Variants in GLRB observed in about 807,000 individuals in gnomAD.
The protein encoded by GLRB is glycine receptor subunit beta.
Under a neutral mutation model 54.2 loss-of-function variants are expected in GLRB, and 33 were observed. The ratio of observed to expected loss-of-function variants is 0.61; its 90% CI spans 0.46 to 0.81. The LOEUF (loss-of-function observed/expected upper bound fraction) is 0.81, where lower values mean the gene tolerates loss of function less well. Among genes scored for constraint, GLRB ranks in the 40% least tolerant of loss-of-function variants. GLRB has a pLI of 0.00. For missense variants in GLRB, 572 were observed against 584.6 expected, an observed-to-expected ratio of 0.98 and a Z score of 0.22; for synonymous variants, 209 against 208.2, an observed-to-expected ratio of 1.00 and a Z score of -0.03.
rs1326883839 is a variant in GLRB at position 157,153,094 on chromosome 4, G to A, written c.1197+84G>A. On this transcript the variant is annotated intron_variant, in intron 9 of 9. Coordinates refer to ENST00000264428, the MANE Select transcript of GLRB (RefSeq NM_000824.5). ...AGAGACACCTTTGTGTATGTGACAAGTTTTGATGGAATTGGCATTTGCTTG... is the reference window on the plus strand; with the variant it reads ...AGAGACACCTTTGTGTATGTGACAAATTTTGATGGAATTGGCATTTGCTTG... 3 of 1,178,694 alleles carry A rather than the reference G, an allele frequency of 2.5e-6. No individual in the cohort carries two copies. The African/African-American group carries it at 4.5e-5, about 18-fold the overall frequency. The allele number at this position is 1,178,694 out of a possible 1,614,324, so 73.0% of individuals were successfully genotyped here. A position where few individuals can be genotyped will look rare whatever the true frequency, so the allele number is the denominator to read the frequency against.
chr4:157,110,171 T>G (rs1414801616), intron 2 of GLRB, among the ~76,000 whole-genome samples: 3 of 151,972 alleles, frequency 2.0e-5, no homozygotes, highest in Non-Finnish European at 4.4e-5. Context: ...CTAGGGGCCA[T>G]GAACTGCCAG....
intron 9 of GLRB, among the ~76,000 whole-genome samples, chr4:157,160,189 T>C (rs1737420908): frequency 6.6e-6 from 1 of 152,182 alleles, no homozygotes; most frequent in East Asian, 1.9e-4. Flanking sequence ...ATACCCTTTA[T>C]CACTTTTTAT....
At chr4:157,163,030 C>T (rs1408351349) in intron 9 of GLRB, among the ~76,000 whole-genome samples, 1 of 152,156 alleles carries the variant, frequency 6.6e-6, no homozygotes, top group African/African-American at 2.4e-5. Context: ...CAAGCTTCAG[C>T]AATGGCGGAC....
At chr4:157,140,446 C>G (rs1445333285) in intron 7 of GLRB, among the ~76,000 whole-genome samples, 2 of 151,902 alleles carry the variant, frequency 1.3e-5, no homozygotes, top group African/African-American at 4.8e-5. Flanking sequence ...ATTTGTACTT[C>G]AAATTAAGAA....
chr4:157,128,922 C>T (rs1736114473), intron 4 of GLRB, among the ~76,000 whole-genome samples: 1 of 151,710 alleles, frequency 6.6e-6, no homozygotes, highest in Admixed American at 6.6e-5. Context: ...GAGCTGATCT[C>T]TTTTATTTAT....
intron 9 of GLRB, among the ~76,000 whole-genome samples, chr4:157,169,420 A>G (rs1337695214): frequency 1.3e-5 from 2 of 152,124 alleles, no homozygotes; most frequent in Non-Finnish European, 2.9e-5. Flanking sequence ...TGATTACTAG[A>G]GAGAGTTCAG....
chr4:157,076,156 G>C lies in GLRB; in HGVS notation c.-171G>C, dbSNP rs1255157954. On this transcript the variant is annotated 5_prime_UTR_variant, in exon 1 of 10. Transcript: ENST00000264428. ...CAGGCTCCGCGGCCCGAGCAGGCGC[G>C]TCAGCCGAGCTCGGCGGTGGCGCGG... 6.7e-6 allele frequency: 1 copy of C among 149,482 alleles called. No homozygotes were observed. Among genetic ancestry groups the C allele is most frequent in the East Asian group, 2.0e-4 (1 of 5,060 alleles). The allele number at this position is 149,482 out of a possible 1,614,324, so 9.3% of individuals were successfully genotyped here. A position where few individuals can be genotyped will look rare whatever the true frequency, so the allele number is the denominator to read the frequency against.
intron 8 of GLRB, among the ~76,000 whole-genome samples, chr4:157,147,912 A>T (rs1245343351): frequency 6.6e-6 from 1 of 152,230 alleles, no homozygotes; most frequent in African/African-American, 2.4e-5. Context: ...TAAAGCAGCC[A>T]TAGACAATAT....
At chr4:157,127,428 C>T (rs1736054051) in intron 4 of GLRB, among the ~76,000 whole-genome samples, 1 of 151,608 alleles carries the variant, frequency 6.6e-6, no homozygotes, top group African/African-American at 2.4e-5. Context: ...GAATAATGGC[C>T]CCCTAAAGAT....
intron 2 of GLRB, among the ~76,000 whole-genome samples, chr4:157,099,788 G>C (rs1428320122): frequency 6.6e-6 from 1 of 151,998 alleles, no homozygotes; most frequent in East Asian, 1.9e-4. Context: ...TCCCATCATC[G>C]AGTCTCAGTT....
chr4:157,123,651 G>C lies in GLRB; in HGVS notation c.297+1254G>C, dbSNP rs151287973. 6.0e-4 allele frequency among the ~76,000 whole-genome samples: 91 copies of C among 151,808 alleles called. 1 individual carries two copies. In the East Asian group the frequency reaches 0.017, roughly 29 times the overall value. ...ATATAAACTACTATATATGACTCAA[G>C]AGACACTATAGCACTCATTAACTGA... On this transcript the variant is annotated intron_variant, in intron 4 of 9. Coordinates refer to ENST00000264428, the MANE Select transcript of GLRB (RefSeq NM_000824.5).
Position 157,168,115 on chromosome 4 carries a change from A to AT in GLRB, c.1198-2304dup, listed in dbSNP as rs111436022. ...ATCCAAACCACATCAACCAGTTCCT[A>AT]TTTTTTTTTTTTTGTCAGACATTTT... is the stretch of plus-strand genomic sequence containing the variant. On this transcript the variant is annotated intron_variant, in intron 9 of 9. Coordinates refer to ENST00000264428, the MANE Select transcript of GLRB (RefSeq NM_000824.5). Among the ~76,000 whole-genome samples, 1,425 of 145,176 alleles carry AT rather than the reference A, an allele frequency of 9.8e-3. 9 individuals are homozygous for AT. Among genetic ancestry groups the AT allele is most frequent in the African/African-American group, 0.019 (760 of 39,960 alleles).
chr4:157,158,849 T>C (rs1411722556), intron 9 of GLRB, among the ~76,000 whole-genome samples: 1 of 151,774 alleles, frequency 6.6e-6, no homozygotes, highest in Non-Finnish European at 1.5e-5. Context: ...TTTAAAGTAG[T>C]TTTTTCCAAT....
intron 2 of GLRB, among the ~76,000 whole-genome samples, chr4:157,110,086 G>A (rs1735363094): frequency 6.6e-6 from 1 of 151,854 alleles, no homozygotes; most frequent in Non-Finnish European, 1.5e-5. Flanking sequence ...TGCGGGGTGG[G>A]AATAAGGCTG....
intron 8 of GLRB, among the ~76,000 whole-genome samples, chr4:157,145,853 T>C (rs919698825): frequency 1.3e-5 from 2 of 152,032 alleles, no homozygotes; most frequent in African/African-American, 4.8e-5. Context: ...AGTGATCATC[T>C]GGGCTGCATT....
intron 9 of GLRB, among the ~76,000 whole-genome samples, chr4:157,169,033 C>T (rs1737820649): frequency 6.6e-6 from 1 of 151,910 alleles, no homozygotes; most frequent in Non-Finnish European, 1.5e-5. Flanking sequence ...AGGATAGTCT[C>T]CTGGTACCTA....
At chr4:157,117,261 G>A (rs1290613448) in intron 2 of GLRB, among the ~76,000 whole-genome samples, 3 of 151,642 alleles carry the variant, frequency 2.0e-5, no homozygotes, top group African/African-American at 7.3e-5. Context: ...GCTTACCATG[G>A]AGCAGGTTTC....
chr4:157,157,043 G>A (rs994790779), intron 9 of GLRB, among the ~76,000 whole-genome samples: 2 of 152,108 alleles, frequency 1.3e-5, no homozygotes, highest in Admixed American at 6.6e-5. Context: ...ACTGCTGGGC[G>A]AGATTGGGGG....
At chr4:157,104,525 T>C (rs1372089747) in intron 2 of GLRB, among the ~76,000 whole-genome samples, 3 of 151,374 alleles carry the variant, frequency 2.0e-5, no homozygotes, top group African/African-American at 7.2e-5. Context: ...TTTCTTTTGA[T>C]GTGTTTTTTT....
Sources: gnomAD v4.1 joint callset for allele counts (sites outside exome capture counted in the v4.1 genomes callset) on GRCh38, gnomAD v4.1.1 for gene constraint, MANE v1.5 for transcripts, NCBI Gene and HGNC (gene_info 2026-07-23, HGNC 2026-07-21) for gene names.